EVI5: variants seen among roughly 807,000 people sequenced by gnomAD.
The protein encoded by EVI5 is ecotropic viral integration site 5 protein homolog.
EVI5 carries 73 observed loss-of-function variants against 112.0 expected under a neutral mutation model. The observed-to-expected ratio is 0.65, with a 90% confidence interval of 0.54 to 0.79. The LOEUF is 0.79. Among genes scored for constraint, EVI5 ranks in the 30% least tolerant of loss-of-function variants. The probability of loss-of-function intolerance (pLI) is 0.00; values close to 1 mark genes in which losing one functional copy is unlikely to be tolerated. For synonymous variants in EVI5, 305 were observed against 319.9 expected (o/e 0.95, Z 0.50); for missense variants, 900 against 968.8 (o/e 0.93, Z 0.94).
chr1:92,703,216 G>T (rs1671470813), intron 4 of EVI5, among the ~76,000 whole-genome samples, 179 bp downstream of exon 4: 1 of 151,806 alleles, frequency 6.6e-6, no homozygotes, highest in Admixed American at 6.6e-5. Context: ...GTTCTAACAA[G>T]TTCTCTATAC....
intron 10 of EVI5, among the ~76,000 whole-genome samples, chr1:92,674,265 C>A (rs539046793): frequency 1.2e-3 from 177 of 152,160 alleles, no homozygotes; most frequent in Non-Finnish European, 2.2e-3. Flanking sequence ...GTAAAAAAAT[C>A]AGACACCCTG....
intron 2 of EVI5, among the ~76,000 whole-genome samples, chr1:92,714,918 GT>G (rs1293031345): frequency 3.9e-5 from 6 of 151,994 alleles, no homozygotes; most frequent in Admixed American, 3.9e-4. Flanking sequence ...TCAGAGAGAT[GT>G]TTTTCCACCA....
At chr1:92,600,697 G>T (rs566875455) in intron 18 of EVI5, among the ~76,000 whole-genome samples, 1 of 152,112 alleles carries the variant, frequency 6.6e-6, no homozygotes, top group Non-Finnish European at 1.5e-5. Context: ...AATAGGATTC[G>T]TGCTCCTGTG....
intron 1 of EVI5, among the ~76,000 whole-genome samples, chr1:92,767,804 G>A (rs978166579): frequency 6.6e-5 from 10 of 152,172 alleles, no homozygotes; most frequent in African/African-American, 2.4e-4. Context: ...TTTTGGCAGA[G>A]CACAGTGGTT....
At chr1:92,563,248 C>T (rs1244920284) in intron 19 of EVI5, among the ~76,000 whole-genome samples, 1 of 152,022 alleles carries the variant, frequency 6.6e-6, no homozygotes, top group Non-Finnish European at 1.5e-5. Context: ...TAAAAGAAGA[C>T]AAGAGTAAAA....
chr1:92,645,088 G>A (rs910442375), intron 13 of EVI5, among the ~76,000 whole-genome samples: 4 of 152,174 alleles, frequency 2.6e-5, no homozygotes, highest in African/African-American at 9.7e-5. Flanking sequence ...CTGAGACAGG[G>A]ATGTCGAAGA....
chr1:92,557,458 ATTAT>A (rs918294767), intron 19 of EVI5, among the ~76,000 whole-genome samples: 2 of 150,532 alleles, frequency 1.3e-5, no homozygotes, highest in Non-Finnish European at 3.0e-5. Context: ...TAATTTTTGT[ATTAT>A]TTATTTATTT....
At chr1:92,584,468 A>C (rs964062604) in intron 18 of EVI5, among the ~76,000 whole-genome samples, 19 of 152,220 alleles carry the variant, frequency 1.2e-4, no homozygotes, top group East Asian at 7.7e-4. Flanking sequence ...AATCTGTAAC[A>C]CTTGGTAAGT....
intron 19 of EVI5, among the ~76,000 whole-genome samples, chr1:92,555,094 C>A (rs1300698660): frequency 1.3e-5 from 2 of 152,168 alleles, no homozygotes; most frequent in Non-Finnish European, 2.9e-5. Flanking sequence ...CACAGAATGG[C>A]AAATACAATC....
chr1:92,592,007 G>A (rs1462758923), intron 18 of EVI5, among the ~76,000 whole-genome samples: 2 of 152,230 alleles, frequency 1.3e-5, no homozygotes, highest in Non-Finnish European at 2.9e-5. Flanking sequence ...ACTTTGGGAG[G>A]CCAAGGCGGG....
chr1:92,576,094 G>GTTAA (rs938042354), intron 18 of EVI5, among the ~76,000 whole-genome samples: 2 of 151,990 alleles, frequency 1.3e-5, no homozygotes, highest in African/African-American at 4.8e-5. Context: ...AGAAGACATG[G>GTTAA]GCACTAAAAC....
chr1:92,656,264 T>C (rs1662977168), intron 13 of EVI5, among the ~76,000 whole-genome samples: 1 of 151,888 alleles, frequency 6.6e-6, no homozygotes, highest in Non-Finnish European at 1.5e-5. Flanking sequence ...ACTATACAAA[T>C]ACATAAAAAT....
intron 14 of EVI5, among the ~76,000 whole-genome samples, chr1:92,633,834 ATGTTTAG>A (rs1190264419): frequency 1.3e-5 from 2 of 151,960 alleles, no homozygotes; most frequent in Non-Finnish European, 2.9e-5. Flanking sequence ...GTTCCTTTCC[ATGTTTAG>A]TGCTTCCTTC....
At chr1:92,788,366 C>T (rs966770329), upstream of EVI5, among the ~76,000 whole-genome samples, 2 of 151,582 alleles carry the variant, frequency 1.3e-5, no homozygotes, top group Admixed American at 6.6e-5. Context: ...CTCAGCTACT[C>T]GGGAGACTGA....
intron 9 of EVI5, among the ~76,000 whole-genome samples, chr1:92,683,875 A>T (rs1479242408): frequency 1.3e-5 from 2 of 152,242 alleles, no homozygotes; most frequent in Non-Finnish European, 2.9e-5. Context: ...AGAAATGAAC[A>T]AAGACTCCAA....
chr1:92,783,749 T>C (rs1023527206), intron 1 of EVI5, among the ~76,000 whole-genome samples: 1 of 142,676 alleles, frequency 7.0e-6, no homozygotes, highest in African/African-American at 2.6e-5. Flanking sequence ...GAGGTGGAGG[T>C]TGCAGTGAAC....
At chr1:92,773,419 G>A (rs1284192064) in intron 1 of EVI5, among the ~76,000 whole-genome samples, 1 of 152,152 alleles carries the variant, frequency 6.6e-6, no homozygotes, top group African/African-American at 2.4e-5. Flanking sequence ...TGAAGTTCAA[G>A]AACAAGAAAA....
chr1:92,520,957 G>GGCCTGCAAAAAGCACGTATGAGATTGCTT (rs1660822002), intron 19 of EVI5, among the ~76,000 whole-genome samples: 4 of 149,778 alleles, frequency 2.7e-5, no homozygotes, highest in African/African-American at 9.8e-5. Context: ...TGAGATTGCT[G>GGCCTGCAAAAAGCACGTATGAGATTGCTT]CTTCTTCTTT....
intron 13 of EVI5, among the ~76,000 whole-genome samples, chr1:92,651,232 T>C (rs888882035): frequency 2.0e-5 from 3 of 152,166 alleles, no homozygotes; most frequent in Non-Finnish European, 2.9e-5. Context: ...GATTAACACA[T>C]ATAGGACTAA....
Sources: gnomAD v4.1 joint callset for allele counts (sites outside exome capture counted in the v4.1 genomes callset) on GRCh38, gnomAD v4.1.1 for gene constraint, MANE v1.5 for transcripts, NCBI Gene and HGNC (gene_info 2026-07-23, HGNC 2026-07-21) for gene names.